The following MINDY2 variants were observed in gnomAD, a reference collection of about 807,000 sequenced individuals.
The protein encoded by MINDY2 is ubiquitin carboxyl-terminal hydrolase MINDY-2.
MINDY2 carries 52 observed loss-of-function variants against 68.2 expected under a neutral mutation model. That is an observed-to-expected ratio of 0.76 (90% confidence interval 0.61 to 0.96). The LOEUF (loss-of-function observed/expected upper bound fraction) is 0.96. Ranked by LOEUF, MINDY2 falls within the 40% of genes least tolerant of loss-of-function variation. The probability of loss-of-function intolerance (pLI) is 0.00; values close to 1 mark genes in which losing one functional copy is unlikely to be tolerated. For missense variants in MINDY2, 881 were observed against 773.4 expected, an observed-to-expected ratio of 1.14 and a Z score of -1.65; for synonymous variants, 372 against 303.0, an observed-to-expected ratio of 1.23 and a Z score of -2.36.
At chr15:58,802,460 T>A (rs1465532307) in intron 3 of MINDY2, 83 bp downstream of exon 3, 54 of 856,146 alleles carry the variant, frequency 6.3e-5, no homozygotes, top group Middle Eastern at 3.6e-4. Flanking sequence ...GCAGCATTTT[T>A]CTATAAAGGA....
At chr15:58,804,813 A>G (rs189453565) in intron 3 of MINDY2, among the ~76,000 whole-genome samples, 35 of 152,140 alleles carry the variant, frequency 2.3e-4, no homozygotes, top group Non-Finnish European at 1.6e-4. Flanking sequence ...TACAAAAAAA[A>G]AAAAGAAAAG....
At chr15:58,843,542 T>A (rs2032377274) in intron 6 of MINDY2, among the ~76,000 whole-genome samples, 1 of 152,172 alleles carries the variant, frequency 6.6e-6, no homozygotes, top group Non-Finnish European at 1.5e-5. Context: ...GAACACGGAA[T>A]GAAAACCTAT....
chr15:58,815,919 C>T (rs1363531407), intron 4 of MINDY2, among the ~76,000 whole-genome samples: 1 of 152,122 alleles, frequency 6.6e-6, no homozygotes, highest in African/African-American at 2.4e-5. Context: ...ACCTCGTGAT[C>T]CGTCTGCCTC....
chr15:58,789,121 A>G (rs1353518919), intron 2 of MINDY2, among the ~76,000 whole-genome samples: 1 of 152,210 alleles, frequency 6.6e-6, no homozygotes, highest in Non-Finnish European at 1.5e-5. Flanking sequence ...GCCGATCACA[A>G]GGTCAGGAGA....
chr15:58,819,337 A>G (rs1206898762), intron 4 of MINDY2, among the ~76,000 whole-genome samples: 1 of 152,074 alleles, frequency 6.6e-6, no homozygotes, highest in Non-Finnish European at 1.5e-5. Context: ...AGTCCCAGCT[A>G]TGCAGGAGGC....
chr15:58,792,820 T>C (rs1388297475), intron 2 of MINDY2, among the ~76,000 whole-genome samples: 5 of 152,106 alleles, frequency 3.3e-5, no homozygotes, highest in Non-Finnish European at 7.3e-5. Context: ...CAAAAGACCA[T>C]ATAGTGTATG....
At position 58,859,259 on chromosome 15, in the gene MINDY2, G is replaced by C. The variant is rs1235461656; in HGVS notation, c.*4649G>C. On this transcript the variant is annotated 3_prime_UTR_variant, in exon 9 of 9. Transcript: ENST00000559228. ...CTATTTTTTTCTAGTATCTTTCACA[G>C]ATCTAAATATTTAGATTCTCTTTGC... The C allele has an allele frequency of 5.9e-5, 9 of 152,004 alleles. No individual in the cohort carries two copies. The highest frequency in any genetic ancestry group is 2.2e-4 in the African/African-American group (9 of 41,406). The allele number at this position is 152,004 out of a possible 1,614,324, so 9.4% of individuals were successfully genotyped here. A position where few individuals can be genotyped will look rare whatever the true frequency, so the allele number is the denominator to read the frequency against.
At chr15:58,852,944 T>G (rs28380111) in intron 8 of MINDY2, among the ~76,000 whole-genome samples, 6,893 of 28,980 alleles carry the variant, frequency 0.24, 60 homozygotes, top group South Asian at 0.4. Context: ...TTTTTTTTTT[T>G]TTTTTTTTTT....
chr15:58,818,725 C>T (rs1431065016), intron 4 of MINDY2, among the ~76,000 whole-genome samples: 5 of 145,208 alleles, frequency 3.4e-5, no homozygotes, highest in African/African-American at 1.0e-4. Flanking sequence ...CTGCAACCTC[C>T]ACCTCCCAGT....
chr15:58,789,723 C>A (rs1901760939), intron 2 of MINDY2, among the ~76,000 whole-genome samples: 1 of 152,118 alleles, frequency 6.6e-6, no homozygotes, highest in Non-Finnish European at 1.5e-5. Flanking sequence ...TCTCAGCTCA[C>A]CGCAACCTCC....
At chr15:58,778,568 C>CA (rs1450792082) in intron 1 of MINDY2, among the ~76,000 whole-genome samples, 1 of 150,430 alleles carries the variant, frequency 6.6e-6, no homozygotes, top group Non-Finnish European at 1.5e-5. Flanking sequence ...TAAACTAAAT[C>CA]AAAACACACT....
At chr15:58,808,014 C>G (rs570371468) in intron 3 of MINDY2, among the ~76,000 whole-genome samples, 1 of 151,884 alleles carries the variant, frequency 6.6e-6, no homozygotes. Flanking sequence ...TTTACACTCC[C>G]CACTCCCCTC....
chr15:58,817,479 A>G (rs1207432775), intron 4 of MINDY2, among the ~76,000 whole-genome samples: 1 of 152,174 alleles, frequency 6.6e-6, no homozygotes, highest in Non-Finnish European at 1.5e-5. Flanking sequence ...TAATCCCAGC[A>G]CTTTGGGAGG....
chr15:58,841,978 T>C (rs2032309912), intron 6 of MINDY2, among the ~76,000 whole-genome samples: 1 of 152,082 alleles, frequency 6.6e-6, no homozygotes, highest in African/African-American at 2.4e-5. Context: ...ATCTAGTTGT[T>C]GCATTTCATT....
chr15:58,852,922 G>GGTTTTTTTTTT, intron 8 of MINDY2, among the ~76,000 whole-genome samples: 1 of 48,968 alleles, frequency 2.0e-5, no homozygotes, highest in Non-Finnish European at 4.0e-5. Context: ...TGCTGTTCCT[G>GGTTTTTTTTTT]TTTTTTTTTT....
At chr15:58,812,948 C>T (rs1156931111) in intron 4 of MINDY2, among the ~76,000 whole-genome samples, 1 of 152,084 alleles carries the variant, frequency 6.6e-6, no homozygotes, top group African/African-American at 2.4e-5. Flanking sequence ...CTTTTATATC[C>T]ACACCCACTT....
Position 58,806,036 on chromosome 15 carries a change from T to G in MINDY2, c.963+3659T>G, listed in dbSNP as rs556382875. Among the ~76,000 whole-genome samples, 490 of 152,306 alleles carry G rather than the reference T, an allele frequency of 3.2e-3. 2 individuals are homozygous for G. Among genetic ancestry groups the G allele is most frequent in the African/African-American group, 0.011 (469 of 41,576 alleles). On this transcript the variant is annotated intron_variant, in intron 3 of 8. Coordinates refer to ENST00000559228, the MANE Select transcript of MINDY2 (RefSeq NM_001040450.3). ...TTGCAGTGAGCCGAGATCACGCCAC[T>G]GCACTCCAGCCCGGGCGACAGAGCG...
At chr15:58,808,621 T>C (rs1018755787) in intron 3 of MINDY2, among the ~76,000 whole-genome samples, 8 of 152,194 alleles carry the variant, frequency 5.3e-5, no homozygotes, top group Admixed American at 4.6e-4. Context: ...TTTTGTTTTT[T>C]TGAGACAGAG....
chr15:58,793,311 G>A (rs1344315123), intron 2 of MINDY2, among the ~76,000 whole-genome samples: 2 of 152,114 alleles, frequency 1.3e-5, no homozygotes, highest in African/African-American at 4.8e-5. Context: ...AATTAGTCGG[G>A]TGTGGTGGCA....
Sources: gnomAD v4.1 joint callset for allele counts (sites outside exome capture counted in the v4.1 genomes callset) on GRCh38, gnomAD v4.1.1 for gene constraint, MANE v1.5 for transcripts, NCBI Gene and HGNC (gene_info 2026-07-23, HGNC 2026-07-21) for gene names.